The following GPC6 variants were observed in gnomAD, a reference collection of about 807,000 sequenced individuals.
GPC6 encodes the protein glypican-6.
GPC6 carries 14 observed loss-of-function variants against 55.2 expected under a neutral mutation model. That is an observed-to-expected ratio of 0.25 (90% CI 0.17 to 0.40). The LOEUF is 0.40. Among genes scored for constraint, GPC6 ranks in the 10% least tolerant of loss-of-function variants. The pLI, the probability that GPC6 is intolerant of heterozygous loss-of-function variation, is 1.00. For missense variants in GPC6, 641 were observed against 708.5 expected (o/e 0.90, Z 1.08); for synonymous variants, 278 against 259.6 (o/e 1.07, Z -0.68).
intron 2 of GPC6, among the ~76,000 whole-genome samples, chr13:93,694,539 G>T (rs537525422): frequency 1.6e-4 from 24 of 152,296 alleles, no homozygotes; most frequent in African/African-American, 5.5e-4. Context: ...GTTGAAAGCT[G>T]TTGAAAGTGG....
intron 1 of GPC6, among the ~76,000 whole-genome samples, chr13:93,318,657 G>A (rs1879325484): frequency 6.6e-6 from 1 of 152,054 alleles, no homozygotes; most frequent in Admixed American, 6.6e-5. Context: ...TAGAGCAGAA[G>A]AAGTTGCATA....
In GPC6 at chr13:93,627,873, G is replaced by A. The variant is rs148531136; in HGVS notation, c.319+82452G>A. ...TAAGTGACTATCATTATGAAGAAAA[G>A]ACATACTTTTATTAGATATCTCTCA... On this transcript the variant is annotated intron_variant, in intron 2 of 8. Coordinates refer to ENST00000377047, the MANE Select transcript of GPC6 (RefSeq NM_005708.5). 2.9e-3 allele frequency among the ~76,000 whole-genome samples: 442 copies of A among 152,246 alleles called. 4 individuals are homozygous for A. The highest frequency in any genetic ancestry group is 9.8e-3 in the African/African-American group (407 of 41,542).
At chr13:93,308,345 A>G (rs1422512205) in intron 1 of GPC6, among the ~76,000 whole-genome samples, 2 of 152,226 alleles carry the variant, frequency 1.3e-5, no homozygotes, top group African/African-American at 2.4e-5. Context: ...TTATAATTAC[A>G]TATCCTTAGT....
chr13:94,172,226 C>G (rs1888594855), intron 4 of GPC6, among the ~76,000 whole-genome samples: 1 of 151,882 alleles, frequency 6.6e-6, no homozygotes, highest in African/African-American at 2.4e-5. Flanking sequence ...TAAGATATCA[C>G]TGAAATCTTT....
chr13:94,033,996 C>T (rs1476202135), intron 4 of GPC6, among the ~76,000 whole-genome samples: 3 of 152,138 alleles, frequency 2.0e-5, no homozygotes, highest in African/African-American at 7.2e-5. Context: ...TTCGTGAAAG[C>T]ACCAGGAAAG....
chr13:94,040,617 C>G (rs1464965253), intron 4 of GPC6, among the ~76,000 whole-genome samples: 1 of 151,846 alleles, frequency 6.6e-6, no homozygotes, highest in Non-Finnish European at 1.5e-5. Context: ...CTTTGGAAAG[C>G]TGCCAGAACA....
chr13:93,885,725 C>T (rs1875284350), intron 3 of GPC6, among the ~76,000 whole-genome samples: 1 of 152,132 alleles, frequency 6.6e-6, no homozygotes, highest in Admixed American at 6.6e-5. Context: ...CCAATTTAGC[C>T]AAACACTGAG....
At chr13:94,259,240 G>A (rs1189022826) in intron 4 of GPC6, among the ~76,000 whole-genome samples, 2 of 152,190 alleles carry the variant, frequency 1.3e-5, no homozygotes, top group Admixed American at 6.5e-5. Context: ...TGGCCAGACA[G>A]CTACAAGCCT....
At chr13:93,780,649 G>A (rs1885613973) in intron 2 of GPC6, among the ~76,000 whole-genome samples, 1 of 149,242 alleles carries the variant, frequency 6.7e-6, no homozygotes, top group African/African-American at 2.5e-5. Context: ...ATTTTAAGAT[G>A]TAACTTCTAT....
In GPC6 at chr13:94,151,486, C is replaced by T. The variant is rs141465795; in HGVS notation, c.877+123592C>T. Among the ~76,000 whole-genome samples the T allele has an allele frequency of 1.5e-3, 224 of 152,258 alleles. 1 individual carries two copies. The highest frequency in any genetic ancestry group is 4.9e-3 in the African/African-American group (204 of 41,566). On this transcript the variant is annotated intron_variant, in intron 4 of 8. Coordinates refer to ENST00000377047, the MANE Select transcript of GPC6 (RefSeq NM_005708.5). ...GTGAGCAGGACACTACAGAAGCTGA[C>T]ATGCGAAGGGCCCTGATAAACCAGA...
At chr13:94,204,132 A>G (rs1274483300) in intron 4 of GPC6, among the ~76,000 whole-genome samples, 1 of 152,164 alleles carries the variant, frequency 6.6e-6, no homozygotes. Flanking sequence ...TTTAAACAAC[A>G]TCTCAAATAA....
chr13:94,135,041 A>G (rs1462672096), intron 4 of GPC6, among the ~76,000 whole-genome samples: 1 of 152,188 alleles, frequency 6.6e-6, no homozygotes, highest in Admixed American at 6.5e-5. Context: ...CTCTCATAAA[A>G]TCTAACAGTG....
rs114133534 is a variant in GPC6 at position 93,228,137 on chromosome 13, G to A, written c.160+521G>A. 3.4e-3 allele frequency among the ~76,000 whole-genome samples: 523 copies of A among 152,228 alleles called. 6 individuals are homozygous for A. Among genetic ancestry groups the A allele is most frequent in the African/African-American group, 0.011 (466 of 41,568 alleles). On this transcript the variant is annotated intron_variant, in intron 1 of 8. Coordinates refer to ENST00000377047, the MANE Select transcript of GPC6 (RefSeq NM_005708.5). ...CCTCTCTCCCCTATCCGTCCTTCGGGCGACAGAGCGCCCGGCGCTCGGGCC... is the reference window on the plus strand; with the variant it reads ...CCTCTCTCCCCTATCCGTCCTTCGGACGACAGAGCGCCCGGCGCTCGGGCC...
chr13:93,471,989 A>G (rs964900743), intron 1 of GPC6, among the ~76,000 whole-genome samples: 15 of 152,116 alleles, frequency 9.9e-5, no homozygotes, highest in African/African-American at 3.6e-4. Context: ...GTCCTACACT[A>G]TATTTGTAGC....
intron 3 of GPC6, among the ~76,000 whole-genome samples, chr13:93,927,669 C>T (rs1333535793): frequency 7.1e-6 from 1 of 140,624 alleles, no homozygotes; most frequent in Non-Finnish European, 1.5e-5. Flanking sequence ...TCTGTCTTAG[C>T]TTCAGTTCCT....
At chr13:94,094,473 T>C (rs943654963) in intron 4 of GPC6, among the ~76,000 whole-genome samples, 5 of 152,140 alleles carry the variant, frequency 3.3e-5, no homozygotes, top group African/African-American at 1.2e-4. Context: ...CATGGTTTGC[T>C]TCAAACTGGT....
chr13:93,712,278 G>C (rs910330797), intron 2 of GPC6, among the ~76,000 whole-genome samples: 1 of 151,740 alleles, frequency 6.6e-6, no homozygotes, highest in African/African-American at 2.4e-5. Flanking sequence ...TATTGACAAA[G>C]AATGAGAGAG....
chr13:93,276,020 G>A (rs1394488295), intron 1 of GPC6, among the ~76,000 whole-genome samples: 4 of 152,028 alleles, frequency 2.6e-5, no homozygotes, highest in African/African-American at 9.6e-5. Context: ...GACTACAGGC[G>A]CCCGCCACCA....
chr13:93,816,142 T>C (rs1395650617), intron 2 of GPC6, among the ~76,000 whole-genome samples: 2 of 152,152 alleles, frequency 1.3e-5, no homozygotes, highest in Non-Finnish European at 2.9e-5. Flanking sequence ...ATTTTTTTTC[T>C]TTAGTTTGGT....
Sources: gnomAD v4.1 joint callset for allele counts (sites outside exome capture counted in the v4.1 genomes callset) on GRCh38, gnomAD v4.1.1 for gene constraint, MANE v1.5 for transcripts, NCBI Gene and HGNC (gene_info 2026-07-23, HGNC 2026-07-21) for gene names.